Variants in IL1RAPL1 observed in about 807,000 individuals in gnomAD.
IL1RAPL1 encodes interleukin-1 receptor accessory protein-like 1.
A neutral mutation model predicts 48.4 loss-of-function variants in IL1RAPL1; 3 were observed. The ratio of observed to expected loss-of-function variants is 0.06; its 90% CI spans 0.03 to 0.16. The LOEUF is 0.16. Ranked by LOEUF, IL1RAPL1 falls within the 10% of genes least tolerant of loss-of-function variation. The pLI, the probability that IL1RAPL1 is intolerant of heterozygous loss-of-function variation, is 1.00. For missense variants in IL1RAPL1, 349 were observed against 530.6 expected (o/e 0.66, Z 3.36); for synonymous variants, 185 against 187.7 (o/e 0.99, Z 0.12).
intron 3 of IL1RAPL1, among the ~76,000 whole-genome samples, chrX:29,355,207 CAT>C (rs1933285847): frequency 8.9e-6 from 1 of 111,759 alleles, no homozygotes; most frequent in African/African-American, 3.2e-5. Context: ...CAGAGCTTCA[CAT>C]GTGTCTGCTA....
chrX:28,787,068 GT>G (rs1601903233), intron 1 of IL1RAPL1, among the ~76,000 whole-genome samples: 1 of 112,174 alleles, frequency 8.9e-6, no homozygotes, highest in African/African-American at 3.2e-5. Context: ...AATACATAAA[GT>G]TTCAAGAGAT....
intron 9 of IL1RAPL1, among the ~76,000 whole-genome samples, chrX:29,947,752 G>GT (rs367605832): frequency 0.059 from 3,205 of 54,065 alleles, 71 homozygotes; most frequent in African/African-American, 0.096. Flanking sequence ...TTTTTTTGGT[G>GT]TTTTTTTTTT....
At chrX:29,291,788 T>C (rs1932375498) in intron 3 of IL1RAPL1, among the ~76,000 whole-genome samples, 1 of 112,649 alleles carries the variant, frequency 8.9e-6, no homozygotes. Context: ...CTTAAAATGT[T>C]GTGAAGCTTC....
At chrX:29,180,708 A>T (rs1458983959) in intron 2 of IL1RAPL1, among the ~76,000 whole-genome samples, 1 of 111,672 alleles carries the variant, frequency 9.0e-6, no homozygotes, top group African/African-American at 3.3e-5. Flanking sequence ...TTTTGAAAAA[A>T]TAGTGGAACC....
At chrX:29,847,945 T>C (rs753838096) in intron 6 of IL1RAPL1, among the ~76,000 whole-genome samples, 6 of 111,718 alleles carry the variant, frequency 5.4e-5, no homozygotes, top group African/African-American at 1.9e-4. Context: ...TATGATCCAT[T>C]CTGCTTATTC....
chrX:29,031,653 G>A (rs968271096), intron 2 of IL1RAPL1, among the ~76,000 whole-genome samples: 1 of 111,625 alleles, frequency 9.0e-6, no homozygotes, highest in African/African-American at 3.3e-5. Flanking sequence ...TTTCCTCATG[G>A]ATAATTTGTG....
chrX:29,784,921 A>G (rs1929457829), intron 6 of IL1RAPL1, among the ~76,000 whole-genome samples: 1 of 112,243 alleles, frequency 8.9e-6, no homozygotes, highest in Admixed American at 9.5e-5. Flanking sequence ...TTAAGTTAAA[A>G]GAATAAAATT....
chrX:29,228,177 TGCACACAC>T (rs1931118067), intron 2 of IL1RAPL1, among the ~76,000 whole-genome samples: 1 of 43,729 alleles, frequency 2.3e-5, no homozygotes, highest in African/African-American at 1.4e-4. Context: ...GACACACGCG[TGCACACAC>T]ACACACACAC....
At chrX:29,342,109 G>A (rs958055309) in intron 3 of IL1RAPL1, among the ~76,000 whole-genome samples, 1 of 81,033 alleles carries the variant, frequency 1.2e-5, no homozygotes, top group East Asian at 3.8e-4. Flanking sequence ...ACACGGCCTT[G>A]TTTTGTGTGT....
In IL1RAPL1 at chrX:29,591,299, G is replaced by A. The variant is rs16988704; in HGVS notation, c.704-77131G>A. On this transcript the variant is annotated intron_variant, in intron 5 of 10. Coordinates refer to ENST00000378993, the MANE Select transcript of IL1RAPL1 (RefSeq NM_014271.4). The stretch of plus-strand genomic sequence containing the variant: ...CTTGTGGGGTAGGCATTGTGACAAC[G>A]AGGTGCCTGTAAATATGAAGTTCAG... Among the ~76,000 whole-genome samples the A allele has an allele frequency of 2.2e-3, 249 of 112,341 alleles. 1 individual carries two copies. Among genetic ancestry groups the A allele is most frequent in the African/African-American group, 7.3e-3 (227 of 30,975 alleles).
intron 5 of IL1RAPL1, among the ~76,000 whole-genome samples, chrX:29,498,767 T>C (rs1935241792): frequency 1.8e-5 from 2 of 111,911 alleles, no homozygotes; most frequent in East Asian, 2.8e-4. Flanking sequence ...TATTGTTTTT[T>C]GTATGTTGTA....
chrX:28,791,394 G>A (rs1227962740), intron 2 of IL1RAPL1, among the ~76,000 whole-genome samples: 1 of 111,469 alleles, frequency 9.0e-6, no homozygotes, highest in African/African-American at 3.3e-5. Context: ...TCTAGAAAAC[G>A]TCATTGTTGT....
chrX:29,415,668 T>C (rs5927486), intron 5 of IL1RAPL1, among the ~76,000 whole-genome samples: 42,957 of 110,936 alleles, frequency 0.39, 6,702 homozygotes, highest in Middle Eastern at 0.57. Context: ...ATCCACCCAC[T>C]TTGGCCTCCC....
At chrX:28,592,577 A>G (rs1933916986) in intron 1 of IL1RAPL1, among the ~76,000 whole-genome samples, 1 of 112,055 alleles carries the variant, frequency 8.9e-6, no homozygotes, top group Non-Finnish European at 1.9e-5. Flanking sequence ...TGATATTTAC[A>G]TATATGCAAA....
intron 2 of IL1RAPL1, among the ~76,000 whole-genome samples, chrX:28,839,674 A>G (rs937836575): frequency 2.7e-5 from 3 of 110,842 alleles, no homozygotes; most frequent in African/African-American, 9.8e-5. Context: ...TGAAAAATAG[A>G]TAGCAACTAT....
intron 1 of IL1RAPL1, among the ~76,000 whole-genome samples, chrX:28,649,326 A>C (rs183098744): frequency 1.3e-3 from 141 of 112,536 alleles, no homozygotes; most frequent in African/African-American, 4.5e-3. Context: ...TCACAAAAGA[A>C]TCTTGAGTGT....
chrX:29,795,985 A>G (rs190561513), intron 6 of IL1RAPL1, among the ~76,000 whole-genome samples: 213 of 112,641 alleles, frequency 1.9e-3, no homozygotes, highest in African/African-American at 6.4e-3. Context: ...CAATCCAGCT[A>G]GAGAGATACA....
intron 2 of IL1RAPL1, among the ~76,000 whole-genome samples, chrX:28,846,367 A>G (rs1400508079): frequency 8.9e-6 from 1 of 112,126 alleles, no homozygotes; most frequent in Non-Finnish European, 1.9e-5. Context: ...TGCAATTATG[A>G]ATAAAGGTGC....
At chrX:29,008,666 T>G (rs1204111440) in intron 2 of IL1RAPL1, among the ~76,000 whole-genome samples, 2 of 111,921 alleles carry the variant, frequency 1.8e-5, no homozygotes, top group African/African-American at 6.5e-5. Flanking sequence ...TTTATTCACT[T>G]TATTTTTTTC....
Sources: allele counts gnomAD v4.1 joint callset (sites outside exome capture counted in the v4.1 genomes callset), GRCh38; gene constraint gnomAD v4.1.1; transcripts MANE v1.5; gene names NCBI Gene and HGNC (gene_info 2026-07-23, HGNC 2026-07-21).